CCDC7: variants seen among roughly 807,000 people sequenced by gnomAD.
CCDC7 encodes the protein coiled-coil domain-containing protein 7.
Under a neutral mutation model 196.9 loss-of-function variants are expected in CCDC7, and 183 were observed. That is an observed-to-expected ratio of 0.93 (90% CI 0.82 to 1.05). CCDC7 has a LOEUF of 1.05. CCDC7 is among the 50% of genes least tolerant of loss of function. CCDC7 has a pLI of 0.00. For synonymous variants in CCDC7, 525 were observed against 484.6 expected, an observed-to-expected ratio of 1.08 and a Z score of -1.10; for missense variants, 1,540 against 1,482.2, an observed-to-expected ratio of 1.04 and a Z score of -0.64.
chr10:32,557,387 CA>C (rs1009831119), intron 13 of CCDC7, among the ~76,000 whole-genome samples: 7 of 151,436 alleles, frequency 4.6e-5, no homozygotes, highest in African/African-American at 1.2e-4. Flanking sequence ...ATGTTAATTT[CA>C]CCAAGTTTGG....
intron 28 of CCDC7, among the ~76,000 whole-genome samples, chr10:32,744,901 G>A (rs751322805): frequency 4.6e-5 from 7 of 152,152 alleles, no homozygotes; most frequent in Non-Finnish European, 7.4e-5. Flanking sequence ...CATGCCCAAT[G>A]TCACCTAGGA....
intron 18 of CCDC7, among the ~76,000 whole-genome samples, chr10:32,618,239 T>G (rs191119482): frequency 6.1e-4 from 93 of 152,144 alleles, no homozygotes; most frequent in African/African-American, 2.1e-3. Context: ...AGGTTAATAT[T>G]GATATATGAG....
At chr10:32,595,309 C>A (rs187850971) in intron 18 of CCDC7, among the ~76,000 whole-genome samples, 67 of 152,328 alleles carry the variant, frequency 4.4e-4, no homozygotes, top group Non-Finnish European at 8.1e-4. Flanking sequence ...TTATCCATTT[C>A]TTCTAGATTT....
exon 19 of CCDC7, chr10:32,634,272 A>G: frequency 8.3e-7 from 1 of 1,212,076 alleles, no homozygotes; most frequent in East Asian, 3.2e-5. Flanking sequence ...GAAGTTCCAG[A>G]TGAAAATCTT....
At chr10:32,779,405 T>C (rs1164193326) in intron 29 of CCDC7, among the ~76,000 whole-genome samples, 2 of 152,238 alleles carry the variant, frequency 1.3e-5, no homozygotes, top group Non-Finnish European at 2.9e-5. Context: ...CTTGAGGACA[T>C]AGTTGTAATT....
intron 30 of CCDC7, among the ~76,000 whole-genome samples, chr10:32,813,812 A>G: frequency 6.6e-6 from 1 of 152,184 alleles, no homozygotes; most frequent in Admixed American, 6.5e-5. Context: ...CCCTGGCTAT[A>G]TGATATTTCA....
chr10:32,579,416 C>T (rs1195088347), intron 16 of CCDC7, among the ~76,000 whole-genome samples: 1 of 151,990 alleles, frequency 6.6e-6, no homozygotes, highest in Non-Finnish European at 1.5e-5. Context: ...GATAATTATC[C>T]AACTAATATG....
At chr10:32,643,481 C>T (rs1039574325) in intron 20 of CCDC7, among the ~76,000 whole-genome samples, 3 of 151,730 alleles carry the variant, frequency 2.0e-5, no homozygotes, top group South Asian at 2.1e-4. Context: ...ATTCATAGAA[C>T]GTTTCAATGT....
At chr10:32,532,496 T>C (rs1369723843) in intron 11 of CCDC7, among the ~76,000 whole-genome samples, 1 of 152,186 alleles carries the variant, frequency 6.6e-6, no homozygotes, top group Non-Finnish European at 1.5e-5. Flanking sequence ...ATGAAAACAA[T>C]GTGTATTCTG....
At chr10:32,755,276 C>T (rs551083643) in intron 28 of CCDC7, among the ~76,000 whole-genome samples, 1 of 152,132 alleles carries the variant, frequency 6.6e-6, no homozygotes, top group Non-Finnish European at 1.5e-5. Flanking sequence ...TAGTGTTTCT[C>T]CCAGCATGGA....
chr10:32,751,507 T>A (rs1269995633), intron 28 of CCDC7, among the ~76,000 whole-genome samples: 1 of 152,126 alleles, frequency 6.6e-6, no homozygotes, highest in Non-Finnish European at 1.5e-5. Context: ...TTAATGAAAG[T>A]CATTGGGAAA....
chr10:32,650,169 C>A (rs2068480905), intron 20 of CCDC7, among the ~76,000 whole-genome samples: 1 of 152,144 alleles, frequency 6.6e-6, no homozygotes, highest in Non-Finnish European at 1.5e-5. Flanking sequence ...ATAAATTGAG[C>A]ATAGTCCATT....
intron 13 of CCDC7, among the ~76,000 whole-genome samples, chr10:32,558,957 C>T (rs58398220): frequency 6.6e-6 from 1 of 152,166 alleles, no homozygotes; most frequent in South Asian, 2.1e-4. Context: ...TCAGGTCACT[C>T]CCGCCCTAAT....
At chr10:32,828,537 GAA>G (rs2091712644) in intron 32 of CCDC7, among the ~76,000 whole-genome samples, 1 of 150,258 alleles carries the variant, frequency 6.7e-6, no homozygotes, top group Non-Finnish European at 1.5e-5. Context: ...AGAAGAAGAA[GAA>G]GAAGAAGAAG....
At chr10:32,798,974 C>A (rs1267157433) in intron 29 of CCDC7, among the ~76,000 whole-genome samples, 1 of 152,148 alleles carries the variant, frequency 6.6e-6, no homozygotes, top group Non-Finnish European at 1.5e-5. Context: ...GGAGTGGGGA[C>A]CATGGGCATT....
intron 32 of CCDC7, among the ~76,000 whole-genome samples, chr10:32,832,494 A>C (rs918533889): frequency 6.6e-5 from 10 of 152,108 alleles, no homozygotes; most frequent in Non-Finnish European, 1.5e-4. Flanking sequence ...AAAAAAACCC[A>C]AAAATTATGG....
chr10:32,520,050 C>A (rs1459666878), intron 11 of CCDC7, among the ~76,000 whole-genome samples: 1 of 152,050 alleles, frequency 6.6e-6, no homozygotes, highest in Non-Finnish European at 1.5e-5. Context: ...ATGACACAAT[C>A]TCCTTTTTTA....
exon 8 of CCDC7, chr10:32,473,982 A>G (rs1205069482): frequency 1.2e-6 from 2 of 1,610,760 alleles, no homozygotes; most frequent in Admixed American, 1.7e-5. Flanking sequence ...TTAGAAGCCC[A>G]CTCAACTGAT....
At chr10:32,828,469 AAGAGGAAGAG>A (rs2091566668) in intron 32 of CCDC7, among the ~76,000 whole-genome samples, 1 of 78,726 alleles carries the variant, frequency 1.3e-5, no homozygotes, top group Admixed American at 1.4e-4. Flanking sequence ...GAAGAAGAGG[AAGAGGAAGAG>A]GAAGAGGAAG....
Sources: allele counts gnomAD v4.1 joint callset (sites outside exome capture counted in the v4.1 genomes callset), GRCh38; gene constraint gnomAD v4.1.1; transcripts MANE v1.5; gene names NCBI Gene and HGNC (gene_info 2026-07-23, HGNC 2026-07-21).